Variants in COL4A6 observed in about 807,000 individuals in gnomAD.
COL4A6 encodes collagen type IV alpha 6 chain.
A neutral mutation model predicts 126.7 loss-of-function variants in COL4A6; 59 were observed. The ratio of observed to expected loss-of-function variants is 0.47; its 90% CI spans 0.38 to 0.58. The LOEUF (loss-of-function observed/expected upper bound fraction) is 0.58, where lower values mean the gene tolerates loss of function less well. Ranked by LOEUF, COL4A6 falls within the 20% of genes least tolerant of loss-of-function variation. The probability of loss-of-function intolerance (pLI) is 0.00; values close to 1 mark genes in which losing one functional copy is unlikely to be tolerated. For missense variants in COL4A6, 1,285 were observed against 1,337.3 expected (o/e 0.96, Z 0.61); for synonymous variants, 547 against 496.6 (o/e 1.10, Z -1.35).
intron 2 of COL4A6, among the ~76,000 whole-genome samples, chrX:108,394,416 A>G (rs1481952778): frequency 5.4e-5 from 6 of 111,145 alleles, no homozygotes; most frequent in Non-Finnish European, 1.1e-4. Context: ...CCAGAACTTA[A>G]AGTATAATAA....
chrX:108,405,133 G>A (rs946795419), intron 2 of COL4A6, among the ~76,000 whole-genome samples: 1 of 111,002 alleles, frequency 9.0e-6, no homozygotes, highest in South Asian at 3.8e-4. Flanking sequence ...TCAGAAACCT[G>A]GCACTTTGAG....
At chrX:108,327,329 G>A (rs1225088731) in intron 2 of COL4A6, among the ~76,000 whole-genome samples, 1 of 101,933 alleles carries the variant, frequency 9.8e-6, no homozygotes, top group East Asian at 3.5e-4. Context: ...CTCCCACCCC[G>A]GCCCCTTCTA....
At chrX:108,282,140 A>G (rs912034915) in intron 3 of COL4A6, among the ~76,000 whole-genome samples, 2 of 108,314 alleles carry the variant, frequency 1.8e-5, no homozygotes, top group African/African-American at 6.7e-5. Flanking sequence ...GCCAAAATTG[A>G]CAAATGGGAT....
intron 3 of COL4A6, among the ~76,000 whole-genome samples, chrX:108,222,046 C>T (rs897359513): frequency 4.4e-5 from 5 of 112,770 alleles, no homozygotes; most frequent in African/African-American, 6.5e-5. Flanking sequence ...GTGTAAAATA[C>T]AAGAAGCCTA....
chrX:108,204,939 G>T lies in COL4A6; in HGVS notation c.687+500C>A, dbSNP rs1234053549. ...TAAAGAGAGAAATGAGAGAAGGAGG[G>T]AAATAAAAGAGAATGGTGAAAGAGA... On this transcript the variant is annotated intron_variant, in intron 11 of 44. Coordinates refer to ENST00000334504, the MANE Select transcript of COL4A6 (RefSeq NM_033641.4). 3.7e-5 allele frequency among the ~76,000 whole-genome samples: 4 copies of T among 108,997 alleles called. No individual in the cohort carries two copies. In the Admixed American group the frequency reaches 4.0e-4, roughly 11 times the overall value. 94.7% of individuals were successfully genotyped at this position (108,997 alleles called of 115,157 possible).
chrX:108,339,486 G>C, intron 2 of COL4A6, among the ~76,000 whole-genome samples: 1 of 110,977 alleles, frequency 9.0e-6, no homozygotes, highest in Admixed American at 9.6e-5. Context: ...CCCAGTTCAG[G>C]CCTCACCCTC....
chrX:108,432,354 TTA>T (rs1363551225), intron 2 of COL4A6, among the ~76,000 whole-genome samples: 1 of 112,759 alleles, frequency 8.9e-6, no homozygotes, highest in Admixed American at 9.4e-5. Context: ...CTGTTGTGTT[TTA>T]TGTTTCTCAA....
chrX:108,175,683 G>A lies in COL4A6; in HGVS notation c.2801C>T (p.Ser934Phe). The part of the protein sequence containing the change: ...IPGSTGKMGP[S>F]GRAGTPGEKG... ...TTCACCAGGAGTACCAGCACGTCCA[G>A]ATGGTCCCATTTTTCCAGTTGATCC... The change falls in exon 29 of 45, where the codon TCT becomes TTT. Residue 934 changes from serine (S) to phenylalanine (F), a missense_variant. By Grantham distance (155) the Ser-to-Phe change is radical. Coordinates refer to ENST00000334504, the MANE Select transcript of COL4A6 (RefSeq NM_033641.4). The A allele has an allele frequency of 1.7e-6, 2 of 1,205,417 alleles. No homozygotes were observed. Among genetic ancestry groups the A allele is most frequent in the Non-Finnish European group, 2.2e-6 (2 of 892,284 alleles).
intron 3 of COL4A6, among the ~76,000 whole-genome samples, chrX:108,255,906 G>A (rs1395698605): frequency 3.6e-5 from 4 of 111,302 alleles, no homozygotes; most frequent in African/African-American, 1.3e-4. Context: ...TCATCATAAG[G>A]CAGGAGGAGG....
chrX:108,279,309 C>A (rs1234407453), intron 3 of COL4A6, among the ~76,000 whole-genome samples: 4 of 110,385 alleles, frequency 3.6e-5, no homozygotes, highest in East Asian at 2.8e-4. Context: ...TCTACCAAGC[C>A]AATGGAAAAC....
Position 108,178,695 on chromosome X carries a change from G to T in COL4A6, c.2504C>A (p.Pro835Gln). 8.3e-7 allele frequency: 1 copy of T among 1,211,112 alleles called. No homozygotes were observed. ...TCTGAAGGACCTACCTGAGATGCCTGGGAAGCCTGGTGCTCCTGGGAGCCC... is the reference window on the plus strand; with the variant it reads ...TCTGAAGGACCTACCTGAGATGCCTTGGAAGCCTGGTGCTCCTGGGAGCCC... ...KSGLPGAPGF[P>Q]GISGHPGKKG... Residue 835 changes from proline (P) to glutamine (Q), a missense_variant, in exon 27 of 45, where the codon CCA becomes CAA. Transcript: ENST00000334504.
At chrX:108,202,432 A>G (rs1400074867) in intron 13 of COL4A6, among the ~76,000 whole-genome samples, 2 of 111,983 alleles carry the variant, frequency 1.8e-5, no homozygotes, top group African/African-American at 6.5e-5. Context: ...AAGGTAACTG[A>G]TGAGTGTAAG....
intron 2 of COL4A6, among the ~76,000 whole-genome samples, chrX:108,377,941 C>CAAAAAAAAAAAAAAA (rs745969449): frequency 4.1e-4 from 3 of 7,248 alleles, no homozygotes; most frequent in East Asian, 6.2e-3. Context: ...GACTCCGTCT[C>CAAAAAAAAAAAAAAA]AAAAAAAAAA....
intron 3 of COL4A6, among the ~76,000 whole-genome samples, chrX:108,259,361 T>C (rs2037096530): frequency 8.9e-6 from 1 of 111,742 alleles, no homozygotes; most frequent in Non-Finnish European, 1.9e-5. Context: ...TAGTTTATCA[T>C]AGTTTAATAG....
chrX:108,240,389 T>C (rs756958620), intron 3 of COL4A6, among the ~76,000 whole-genome samples: 4 of 112,641 alleles, frequency 3.6e-5, no homozygotes, highest in Admixed American at 9.4e-5. Flanking sequence ...TACATCTGTT[T>C]GTAGAATTTA....
chrX:108,375,428 T>C (rs959151234), intron 2 of COL4A6, among the ~76,000 whole-genome samples: 4 of 111,544 alleles, frequency 3.6e-5, no homozygotes, highest in Non-Finnish European at 7.5e-5. Flanking sequence ...CCTTCTATAA[T>C]CAGAATCAAT....
At chrX:108,317,057 C>A (rs896341003) in intron 2 of COL4A6, among the ~76,000 whole-genome samples, 1 of 112,463 alleles carries the variant, frequency 8.9e-6, no homozygotes, top group Non-Finnish European at 1.9e-5. Flanking sequence ...AGCACAGAAG[C>A]AGAAAGGCCA....
At chrX:108,261,672 A>G (rs2037166337) in intron 3 of COL4A6, among the ~76,000 whole-genome samples, 1 of 111,576 alleles carries the variant, frequency 9.0e-6, no homozygotes, top group African/African-American at 3.3e-5. Flanking sequence ...CTCCCACAAC[A>G]CACTTGTATT....
chrX:108,218,924 G>A (rs914821119), intron 5 of COL4A6, among the ~76,000 whole-genome samples: 1 of 111,717 alleles, frequency 9.0e-6, no homozygotes, highest in Non-Finnish European at 1.9e-5. Context: ...ACATAGCCCA[G>A]ACTATGGCTT....
Sources: gnomAD v4.1 joint callset for allele counts (sites outside exome capture counted in the v4.1 genomes callset) on GRCh38, gnomAD v4.1.1 for gene constraint, MANE v1.5 for transcripts, NCBI Gene and HGNC (gene_info 2026-07-23, HGNC 2026-07-21) for gene names.